Variants in DIP2C observed in about 807,000 individuals in gnomAD.
DIP2C encodes DIP2 acetate--CoA ligase C (putative), also known as disco-interacting protein 2 homolog C.
DIP2C carries 33 observed loss-of-function variants against 192.4 expected under a neutral mutation model. The ratio of observed to expected loss-of-function variants is 0.17; its 90% CI spans 0.13 to 0.23. The LOEUF (loss-of-function observed/expected upper bound fraction) is 0.23, where lower values mean the gene tolerates loss of function less well. Among genes scored for constraint, DIP2C ranks in the 10% least tolerant of loss-of-function variants. The pLI is 1.00. For missense variants in DIP2C, 1,537 were observed against 2,110.1 expected (o/e 0.73, Z 5.32); for synonymous variants, 979 against 864.1 (o/e 1.13, Z -2.33).
intron 2 of DIP2C, among the ~76,000 whole-genome samples, chr10:482,894 G>C (rs1265588770): frequency 6.6e-6 from 1 of 152,238 alleles, no homozygotes; most frequent in African/African-American, 2.4e-5. Flanking sequence ...TGAGAGCGAA[G>C]TGGGCAGCTT....
At chr10:393,835 A>AAAAAC (rs1554841551) in intron 10 of DIP2C, among the ~76,000 whole-genome samples, 66 of 150,406 alleles carry the variant, frequency 4.4e-4, no homozygotes, top group African/African-American at 1.6e-3. Context: ...GGAAAAAAAA[A>AAAAAC]AAAAACAACC....
At chr10:427,539 A>G (rs748253841) in intron 4 of DIP2C, among the ~76,000 whole-genome samples, 11 of 152,206 alleles carry the variant, frequency 7.2e-5, no homozygotes, top group Non-Finnish European at 1.3e-4. Flanking sequence ...TAAGGCACCT[A>G]TAACCCATAA....
At chr10:635,495 C>T (rs983262288) in intron 1 of DIP2C, among the ~76,000 whole-genome samples, 2 of 152,344 alleles carry the variant, frequency 1.3e-5, no homozygotes, top group African/African-American at 2.4e-5. Flanking sequence ...GCCGGGAAGC[C>T]GGGTCTCTGG....
chr10:601,258 CTAGA>C (rs1852055143), intron 1 of DIP2C, among the ~76,000 whole-genome samples: 2 of 152,174 alleles, frequency 1.3e-5, no homozygotes, highest in African/African-American at 2.4e-5. Flanking sequence ...CAGTAAATCT[CTAGA>C]TAATCAGGCA....
chr10:593,508 G>A (rs1225191580), intron 1 of DIP2C, among the ~76,000 whole-genome samples: 6 of 86,386 alleles, frequency 6.9e-5, no homozygotes, highest in South Asian at 7.0e-4. Context: ...CACCCTTTCT[G>A]GAGAAATCAG....
At chr10:437,713 G>A (rs1018029558) in intron 4 of DIP2C, 1 of 152,176 alleles carries the variant, frequency 6.6e-6, no homozygotes, top group African/African-American at 2.4e-5. Context: ...AATTATTCTT[G>A]TATCTTTACA....
intron 1 of DIP2C, among the ~76,000 whole-genome samples, chr10:573,713 T>G (rs1031019073): frequency 7.9e-5 from 12 of 152,140 alleles, no homozygotes; most frequent in Non-Finnish European, 1.6e-4. Flanking sequence ...CCGGCTTTTT[T>G]TTTCCTCTTT....
intron 3 of DIP2C, among the ~76,000 whole-genome samples, chr10:455,791 GTAAATGAGATGAAAA>G (rs1258415528): frequency 2.4e-4 from 4 of 16,726 alleles, no homozygotes; most frequent in African/African-American, 2.6e-4. Flanking sequence ...GCCGTGAGGA[GTAAATGAGATGAAAA>G]CACTCTGCAG....
intron 29 of DIP2C, among the ~76,000 whole-genome samples, chr10:335,169 C>T (rs973600191): frequency 6.6e-6 from 1 of 152,194 alleles, no homozygotes; most frequent in Non-Finnish European, 1.5e-5. Flanking sequence ...AAACAATCCT[C>T]TATGACAGAA....
At chr10:527,192 G>A (rs559770948) in intron 1 of DIP2C, among the ~76,000 whole-genome samples, 2 of 152,288 alleles carry the variant, frequency 1.3e-5, no homozygotes, top group East Asian at 1.9e-4. Flanking sequence ...TGCGAAGTGC[G>A]GCAGTGGGTG....
intron 1 of DIP2C, among the ~76,000 whole-genome samples, chr10:561,574 G>A (rs1849219755): frequency 6.6e-6 from 1 of 152,206 alleles, no homozygotes; most frequent in African/African-American, 2.4e-5. Context: ...AGTCGGAACA[G>A]GATGGTTCTC....
chr10:303,362 T>C (rs944259812), intron 32 of DIP2C, among the ~76,000 whole-genome samples: 2 of 152,142 alleles, frequency 1.3e-5, no homozygotes, highest in Non-Finnish European at 2.9e-5. Flanking sequence ...TATAAGAAAA[T>C]TCCCTTGTTA....
At chr10:384,515 G>C (rs780749442) in intron 15 of DIP2C, 31 bp downstream of exon 15, 3 of 1,606,564 alleles carry the variant, frequency 1.9e-6, no homozygotes, top group Non-Finnish European at 2.6e-6. Flanking sequence ...TGGGATTACA[G>C]GTGTGAGCCA....
chr10:485,212 C>T (rs980943734), intron 2 of DIP2C, among the ~76,000 whole-genome samples: 2 of 152,354 alleles, frequency 1.3e-5, no homozygotes, highest in East Asian at 1.9e-4. Flanking sequence ...CAACAGCGTC[C>T]GTGGCCTACA....
chr10:648,235 C>A (rs570295365), intron 1 of DIP2C, among the ~76,000 whole-genome samples: 2 of 141,532 alleles, frequency 1.4e-5, no homozygotes, highest in Non-Finnish European at 3.0e-5. Context: ...GGGAAACAGT[C>A]CAAGTCCACA....
At chr10:565,514 G>A (rs897038136) in intron 1 of DIP2C, among the ~76,000 whole-genome samples, 1 of 152,164 alleles carries the variant, frequency 6.6e-6, no homozygotes. Flanking sequence ...CAAGGCATAT[G>A]ATGAACAATC....
intron 1 of DIP2C, among the ~76,000 whole-genome samples, chr10:531,075 G>A (rs969583942): frequency 2.0e-5 from 3 of 152,190 alleles, no homozygotes; most frequent in Admixed American, 2.0e-4. Context: ...GACAGAGGCT[G>A]CACATAAACG....
At chr10:339,982 A>G (rs1958064268) in intron 29 of DIP2C, among the ~76,000 whole-genome samples, 3 of 152,200 alleles carry the variant, frequency 2.0e-5, no homozygotes, top group South Asian at 2.1e-4. Context: ...GGAGTTCAAG[A>G]CCAGCCTGGC....
At chr10:618,746 G>A (rs1003074866) in intron 1 of DIP2C, among the ~76,000 whole-genome samples, 1 of 152,154 alleles carries the variant, frequency 6.6e-6, no homozygotes, top group Admixed American at 6.5e-5. Flanking sequence ...AAGTGCTTGG[G>A]ACAATACCCC....
Sources: gnomAD v4.1 joint callset for allele counts (sites outside exome capture counted in the v4.1 genomes callset) on GRCh38, gnomAD v4.1.1 for gene constraint, MANE v1.5 for transcripts, NCBI Gene and HGNC (gene_info 2026-07-23, HGNC 2026-07-21) for gene names.